The following SDCCAG8 variants were observed in gnomAD, a reference collection of about 807,000 sequenced individuals.
SDCCAG8 encodes SHH signaling and ciliogenesis regulator SDCCAG8.
Under a neutral mutation model 101.8 loss-of-function variants are expected in SDCCAG8, and 74 were observed. The observed-to-expected ratio is 0.73, with a 90% CI of 0.60 to 0.88. SDCCAG8 has a LOEUF of 0.88. Among genes scored for constraint, SDCCAG8 ranks in the 40% least tolerant of loss-of-function variants. SDCCAG8 has a pLI of 0.00. For missense variants in SDCCAG8, 787 were observed against 822.6 expected (o/e 0.96, Z 0.53); for synonymous variants, 281 against 292.9 (o/e 0.96, Z 0.41).
At chr1:243,429,355 T>G (rs1470991778) in intron 16 of SDCCAG8, among the ~76,000 whole-genome samples, 4 of 152,154 alleles carry the variant, frequency 2.6e-5, no homozygotes, top group African/African-American at 9.7e-5. Context: ...GTTATCAATA[T>G]AAGGCTTCTG....
intron 13 of SDCCAG8, among the ~76,000 whole-genome samples, chr1:243,402,845 G>A (rs986249368): frequency 1.3e-5 from 2 of 152,162 alleles, no homozygotes; most frequent in Non-Finnish European, 2.9e-5. Flanking sequence ...GACTCATATT[G>A]ATTAGTCTTT....
chr1:243,454,764 G>A (rs1413047141), intron 16 of SDCCAG8, among the ~76,000 whole-genome samples: 1 of 152,134 alleles, frequency 6.6e-6, no homozygotes, highest in Non-Finnish European at 1.5e-5. Context: ...CTTGTTTAGT[G>A]AGCAGCATAG....
intron 5 of SDCCAG8, among the ~76,000 whole-genome samples, chr1:243,288,481 A>G (rs956296429): frequency 2.6e-5 from 4 of 152,048 alleles, no homozygotes; most frequent in African/African-American, 7.2e-5. Flanking sequence ...AAACAAGACA[A>G]ACAAAAAACC....
At chr1:243,322,660 A>G (rs1267386609) in intron 9 of SDCCAG8, among the ~76,000 whole-genome samples, 1 of 152,146 alleles carries the variant, frequency 6.6e-6, no homozygotes, top group Non-Finnish European at 1.5e-5. Context: ...GTAAATATCC[A>G]CTGAGGAAGG....
chr1:243,420,972 C>A (rs1456888604), intron 15 of SDCCAG8, among the ~76,000 whole-genome samples: 2 of 151,694 alleles, frequency 1.3e-5, no homozygotes, highest in African/African-American at 2.4e-5. Flanking sequence ...CTCTGCATAC[C>A]CCATGCCAAA....
intron 13 of SDCCAG8, among the ~76,000 whole-genome samples, chr1:243,392,033 AT>A (rs1168101565): frequency 6.6e-6 from 1 of 152,068 alleles, no homozygotes; most frequent in Non-Finnish European, 1.5e-5. Flanking sequence ...ATTTCTGATT[AT>A]TTTTTGTCAC....
chr1:243,385,667 G>A (rs192287693), intron 13 of SDCCAG8, among the ~76,000 whole-genome samples: 1 of 152,182 alleles, frequency 6.6e-6, no homozygotes, highest in East Asian at 1.9e-4. Context: ...CACCTCGGAG[G>A]TTAAGAATAT....
chr1:243,396,476 A>T (rs2147958439), intron 13 of SDCCAG8, among the ~76,000 whole-genome samples: 1 of 152,316 alleles, frequency 6.6e-6, no homozygotes, highest in East Asian at 1.9e-4. Flanking sequence ...GTGTGTTAAT[A>T]TATAGCTTAT....
At chr1:243,414,132 T>A (rs568667020) in intron 13 of SDCCAG8, among the ~76,000 whole-genome samples, 1 of 152,306 alleles carries the variant, frequency 6.6e-6, no homozygotes, top group Admixed American at 6.5e-5. Context: ...TTGTACGATG[T>A]ACACAACATA....
At chr1:243,288,338 C>T (rs1471009188) in intron 5 of SDCCAG8, among the ~76,000 whole-genome samples, 1 of 151,894 alleles carries the variant, frequency 6.6e-6, no homozygotes, top group Non-Finnish European at 1.5e-5. Flanking sequence ...GCCGAGCATG[C>T]TGATGTACAC....
chr1:243,331,441 T>C (rs897538862), intron 10 of SDCCAG8, among the ~76,000 whole-genome samples: 3 of 152,236 alleles, frequency 2.0e-5, no homozygotes, highest in Admixed American at 6.5e-5. Flanking sequence ...TGTGTGATAA[T>C]TAACTTATTC....
At chr1:243,473,916 TGCC>T (rs1479806755) in intron 16 of SDCCAG8, among the ~76,000 whole-genome samples, 53 of 5,016 alleles carry the variant, frequency 0.011, 2 homozygotes, top group African/African-American at 0.059. Flanking sequence ...GGAGGAGAGT[TGCC>T]GGCGGGGGGG....
chr1:243,274,652 G>T lies in SDCCAG8; in HGVS notation c.416G>T (p.Cys139Phe), dbSNP rs773522256. 1 of 1,546,724 alleles carries T rather than the reference G, an allele frequency of 6.5e-7. No individual in the cohort carries two copies. The highest frequency in any genetic ancestry group is 8.9e-7 in the Non-Finnish European group (1 of 1,119,912). Reference protein sequence around the residue: ...IHHLEAEVKFCKEELSGMKNK... With the variant: ...IHHLEAEVKFFKEELSGMKNK... ...CATTTAGAGGCAGAAGTTAAGTTCTGCAAGGTAAGTTTCTCATTAAGAATT... is the reference window on the plus strand; with the variant it reads ...CATTTAGAGGCAGAAGTTAAGTTCTTCAAGGTAAGTTTCTCATTAAGAATT... The change falls in exon 4 of 18, where the codon TGC becomes TTC. Residue 139 changes from cysteine to phenylalanine, a missense_variant. Physicochemically the swap from Cys to Phe is radical, Grantham distance 205 (BLOSUM62 -2). Coordinates refer to ENST00000366541, the MANE Select transcript of SDCCAG8 (RefSeq NM_006642.5).
intron 15 of SDCCAG8, 37 bp from the exon 16 acceptor site, chr1:243,426,390 C>G (rs74423796): frequency 6.3e-7 from 1 of 1,581,842 alleles, no homozygotes; most frequent in East Asian, 2.3e-5. Context: ...GTAATAAGAA[C>G]TTCTAACATC....
At chr1:243,391,080 C>A (rs554100170) in intron 13 of SDCCAG8, among the ~76,000 whole-genome samples, 1 of 152,186 alleles carries the variant, frequency 6.6e-6, no homozygotes, top group Non-Finnish European at 1.5e-5. Flanking sequence ...ATGACATGTG[C>A]GTGCCACTGT....
At chr1:243,326,666 CATAAAA>C (rs2149344114) in intron 9 of SDCCAG8, among the ~76,000 whole-genome samples, 1 of 152,108 alleles carries the variant, frequency 6.6e-6, no homozygotes, top group Non-Finnish European at 1.5e-5. Flanking sequence ...GGGCTTTATT[CATAAAA>C]ATAAAAATGT....
At chr1:243,288,551 T>A (rs12748870) in intron 5 of SDCCAG8, among the ~76,000 whole-genome samples, 21,416 of 152,048 alleles carry the variant, frequency 0.14, 1,861 homozygotes, top group Non-Finnish European at 0.19. Context: ...AATAAAAATG[T>A]TTAGGATATC....
chr1:243,408,835 A>G (rs2079967116), intron 13 of SDCCAG8, among the ~76,000 whole-genome samples: 1 of 152,236 alleles, frequency 6.6e-6, no homozygotes, highest in African/African-American at 2.4e-5. Context: ...GAATGCATGT[A>G]AAGACCTTAG....
At chr1:243,377,520 C>G (rs988868211) in intron 12 of SDCCAG8, among the ~76,000 whole-genome samples, 2 of 151,774 alleles carry the variant, frequency 1.3e-5, no homozygotes, top group African/African-American at 4.8e-5. Flanking sequence ...TATTTGAGAA[C>G]TGTACTAAGT....
Sources: allele counts gnomAD v4.1 joint callset (sites outside exome capture counted in the v4.1 genomes callset), GRCh38; gene constraint gnomAD v4.1.1; transcripts MANE v1.5; gene names NCBI Gene and HGNC (gene_info 2026-07-23, HGNC 2026-07-21).